RNF180: variants seen among roughly 807,000 people sequenced by gnomAD.
RNF180 encodes the protein E3 ubiquitin-protein ligase RNF180.
Under a neutral mutation model 59.2 loss-of-function variants are expected in RNF180, and 38 were observed. The observed-to-expected ratio is 0.64, with a 90% CI of 0.50 to 0.84. RNF180 has a LOEUF of 0.84. Among genes scored for constraint, RNF180 ranks in the 40% least tolerant of loss-of-function variants. RNF180 has a pLI of 0.00. For missense variants in RNF180, 705 were observed against 700.9 expected (o/e 1.01, Z -0.07); for synonymous variants, 262 against 240.3 (o/e 1.09, Z -0.84).
intron 5 of RNF180, among the ~76,000 whole-genome samples, chr5:64,244,126 G>A (rs1743000032): frequency 6.6e-6 from 1 of 152,082 alleles, no homozygotes. Context: ...AATCCACGAA[G>A]ATGAGGAAAA....
At chr5:64,225,603 T>TTC (rs1741668199) in intron 5 of RNF180, among the ~76,000 whole-genome samples, 1 of 101,428 alleles carries the variant, frequency 9.9e-6, no homozygotes, top group Non-Finnish European at 2.0e-5. Context: ...CTAGCCGCCC[T>TTC]GTCTGGGAGG....
chr5:64,297,491 A>C (rs1742946330), intron 5 of RNF180, among the ~76,000 whole-genome samples: 1 of 151,918 alleles, frequency 6.6e-6, no homozygotes, highest in African/African-American at 2.4e-5. Flanking sequence ...TTTTATTTTA[A>C]ATTTTTAAAT....
intron 1 of RNF180, among the ~76,000 whole-genome samples, chr5:64,200,342 G>T (rs1424228944): frequency 6.6e-6 from 1 of 152,104 alleles, no homozygotes; most frequent in Non-Finnish European, 1.5e-5. Flanking sequence ...ATAGTCCCTG[G>T]TACTCAGGAG....
At chr5:64,178,802 A>T (rs1750402786) in intron 1 of RNF180, among the ~76,000 whole-genome samples, 2 of 152,028 alleles carry the variant, frequency 1.3e-5, no homozygotes, top group South Asian at 4.2e-4. Flanking sequence ...CCAACTACAT[A>T]TTTTTTCTAA....
At position 64,166,468 on chromosome 5, in the gene RNF180, G is replaced by A. The variant is rs1394623512; in HGVS notation, c.-1+515G>A. On this transcript the variant is annotated intron_variant, in intron 1 of 7. Transcript: ENST00000389100. ...TATCGGCGTCGCAGTCGCTTTTGTT[G>A]CAGCCTTGGGTCCGGAGTGTACGAC... Among the ~76,000 whole-genome samples, 3 of 150,398 alleles carry A rather than the reference G, an allele frequency of 2.0e-5. No individual in the cohort carries two copies. The East Asian group carries it at 6.1e-4, about 31-fold the overall frequency.
At chr5:64,352,318 A>G (rs1165485481) in intron 7 of RNF180, among the ~76,000 whole-genome samples, 2 of 151,902 alleles carry the variant, frequency 1.3e-5, no homozygotes, top group East Asian at 1.9e-4. Context: ...TCTTGCTAGC[A>G]GTCTATCAAT....
intron 1 of RNF180, among the ~76,000 whole-genome samples, chr5:64,167,455 A>AT (rs775068600): frequency 6.6e-5 from 10 of 151,978 alleles, no homozygotes; most frequent in Non-Finnish European, 1.0e-4. Context: ...CAAAGTGAAG[A>AT]TTTTTTCTTC....
chr5:64,274,009 C>T (rs1465675338), intron 5 of RNF180, among the ~76,000 whole-genome samples: 1 of 151,956 alleles, frequency 6.6e-6, no homozygotes, highest in African/African-American at 2.4e-5. Flanking sequence ...TAGGAAATTG[C>T]ACAGAGCATT....
intron 1 of RNF180, among the ~76,000 whole-genome samples, chr5:64,191,604 G>A (rs1751161142): frequency 6.6e-6 from 1 of 152,106 alleles, no homozygotes; most frequent in African/African-American, 2.4e-5. Context: ...TATTTTTTCT[G>A]TTGTCTAATG....
intron 1 of RNF180, among the ~76,000 whole-genome samples, chr5:64,181,064 C>T (rs1035016372): frequency 2.6e-5 from 4 of 152,078 alleles, no homozygotes; most frequent in African/African-American, 9.7e-5. Context: ...GTCTGATGTT[C>T]GAGGGTAGGA....
chr5:64,240,583 T>C (rs1742751601), intron 5 of RNF180, among the ~76,000 whole-genome samples: 1 of 152,238 alleles, frequency 6.6e-6, no homozygotes, highest in Non-Finnish European at 1.5e-5. Context: ...CTTTTAACCA[T>C]GATGATTCCC....
intron 7 of RNF180, among the ~76,000 whole-genome samples, chr5:64,364,516 C>T (rs1440327914): frequency 6.6e-6 from 1 of 151,558 alleles, no homozygotes; most frequent in East Asian, 1.9e-4. Flanking sequence ...TTGTCAAGGA[C>T]ATTGGCCTGA....
At chr5:64,177,994 A>G (rs936142167) in intron 1 of RNF180, among the ~76,000 whole-genome samples, 9 of 152,068 alleles carry the variant, frequency 5.9e-5, no homozygotes, top group African/African-American at 2.2e-4. Flanking sequence ...TAATGAGGTC[A>G]GGAGATTGAG....
chr5:64,341,326 A>G (rs1745346258), intron 7 of RNF180, among the ~76,000 whole-genome samples: 2 of 152,226 alleles, frequency 1.3e-5, no homozygotes, highest in Non-Finnish European at 2.9e-5. Context: ...TCAAAGATAT[A>G]ATAAGATGAC....
chr5:64,260,856 C>G (rs992981225), intron 5 of RNF180, among the ~76,000 whole-genome samples: 2 of 151,764 alleles, frequency 1.3e-5, no homozygotes, highest in South Asian at 4.2e-4. Context: ...TAGCACAATG[C>G]TTTCCACATA....
At chr5:64,197,486 C>T (rs1463547595) in intron 1 of RNF180, among the ~76,000 whole-genome samples, 2 of 152,134 alleles carry the variant, frequency 1.3e-5, no homozygotes, top group Admixed American at 1.3e-4. Context: ...AACTGCGGGT[C>T]CCTTAGCAAA....
chr5:64,367,577 C>G (rs1369494045), intron 7 of RNF180, among the ~76,000 whole-genome samples: 1 of 151,332 alleles, frequency 6.6e-6, no homozygotes, highest in Non-Finnish European at 1.5e-5. Context: ...ATATAATTTC[C>G]AAATAAACTT....
intron 1 of RNF180, among the ~76,000 whole-genome samples, chr5:64,190,168 C>T (rs915170536): frequency 7.9e-5 from 12 of 152,038 alleles, no homozygotes; most frequent in Non-Finnish European, 5.9e-5. Context: ...AAAACAAAGC[C>T]GCTGTTATGG....
At chr5:64,353,530 A>G in intron 7 of RNF180, among the ~76,000 whole-genome samples, 1 of 151,782 alleles carries the variant, frequency 6.6e-6, no homozygotes, top group Non-Finnish European at 1.5e-5. Flanking sequence ...AATAAGTCGT[A>G]TTTAGCCTAA....
Sources: gnomAD v4.1 joint callset for allele counts (sites outside exome capture counted in the v4.1 genomes callset) on GRCh38, gnomAD v4.1.1 for gene constraint, MANE v1.5 for transcripts, NCBI Gene and HGNC (gene_info 2026-07-23, HGNC 2026-07-21) for gene names.